The following PCDH15 variants were observed in gnomAD, a reference collection of about 807,000 sequenced individuals.
The protein encoded by PCDH15 is protocadherin related 15.
PCDH15 carries 129 observed loss-of-function variants against 178.5 expected under a neutral mutation model. That is an observed-to-expected ratio of 0.72 (90% CI 0.63 to 0.84). PCDH15 has a LOEUF of 0.84. Among genes scored for constraint, PCDH15 ranks in the 40% least tolerant of loss-of-function variants. The probability of loss-of-function intolerance (pLI) is 0.00; values close to 1 mark genes in which losing one functional copy is unlikely to be tolerated. For missense variants in PCDH15, 2,230 were observed against 2,099.9 expected (o/e 1.06, Z -1.21); for synonymous variants, 800 against 732.0 (o/e 1.09, Z -1.50).
intron 2 of PCDH15, among the ~76,000 whole-genome samples, chr10:55,600,731 G>C (rs928500770): frequency 1.3e-5 from 2 of 152,040 alleles, no homozygotes; most frequent in African/African-American, 4.8e-5. Context: ...TTCACAAAGT[G>C]CCCTTACAAG....
chr10:54,961,183 G>T (rs1005082482), intron 2 of PCDH15, among the ~76,000 whole-genome samples: 2 of 152,212 alleles, frequency 1.3e-5, no homozygotes, highest in Non-Finnish European at 2.9e-5. Flanking sequence ...CCAGTGTGGA[G>T]CAAATTTGTG....
At chr10:55,013,170 T>C (rs1840087611) in intron 2 of PCDH15, among the ~76,000 whole-genome samples, 1 of 152,156 alleles carries the variant, frequency 6.6e-6, no homozygotes, top group Admixed American at 6.5e-5. Flanking sequence ...TACAAATCCA[T>C]TCATGTATTC....
At chr10:54,212,149 A>G (rs2051508930) in intron 10 of PCDH15, among the ~76,000 whole-genome samples, 1 of 152,104 alleles carries the variant, frequency 6.6e-6, no homozygotes, top group South Asian at 2.1e-4. Context: ...GCTTTGTCAA[A>G]TTTCTTAATT....
chr10:54,749,083 T>G (rs1945848470), intron 1 of PCDH15, among the ~76,000 whole-genome samples: 1 of 152,154 alleles, frequency 6.6e-6, no homozygotes, highest in Non-Finnish European at 1.5e-5. Context: ...GTTAACATAA[T>G]AAACCTGATA....
chr10:54,493,620 G>T (rs912228278), intron 3 of PCDH15, among the ~76,000 whole-genome samples: 1 of 151,830 alleles, frequency 6.6e-6, no homozygotes, highest in East Asian at 1.9e-4. Flanking sequence ...AAAAATGAAG[G>T]TTAAGAAACT....
At chr10:54,189,332 G>T in intron 11 of PCDH15, 1 of 1,557,408 alleles carries the variant, frequency 6.4e-7, no homozygotes, top group Non-Finnish European at 8.7e-7. Flanking sequence ...ATTAACAAAA[G>T]AACAATCACA....
chr10:54,997,805 GAA>G, intron 2 of PCDH15, among the ~76,000 whole-genome samples: 1 of 152,250 alleles, frequency 6.6e-6, no homozygotes. Flanking sequence ...TAAAAAAAAT[GAA>G]AGATTCCAGT....
At chr10:53,978,684 C>A (rs1279613953) in intron 21 of PCDH15, among the ~76,000 whole-genome samples, 1 of 144,916 alleles carries the variant, frequency 6.9e-6, no homozygotes, top group East Asian at 2.1e-4. Context: ...TCTACTGCAT[C>A]ATCAGGCTGC....
intron 2 of PCDH15, among the ~76,000 whole-genome samples, chr10:55,578,343 G>A (rs1403662070): frequency 6.6e-6 from 1 of 151,990 alleles, no homozygotes; most frequent in East Asian, 1.9e-4. Context: ...TCAGCCTCCT[G>A]AGTAGCTGGG....
At chr10:54,431,371 A>T (rs1242633817) in intron 3 of PCDH15, among the ~76,000 whole-genome samples, 1 of 152,178 alleles carries the variant, frequency 6.6e-6, no homozygotes, top group East Asian at 1.9e-4. Context: ...AATACTAGCT[A>T]ACCAAATTCA....
intron 20 of PCDH15, among the ~76,000 whole-genome samples, chr10:54,013,109 C>T (rs1045089469): frequency 1.3e-5 from 2 of 151,742 alleles, no homozygotes; most frequent in Admixed American, 6.6e-5. Context: ...AAGTTGCTAT[C>T]CAAATTTCAG....
At chr10:55,220,467 A>G (rs988190203) in intron 1 of PCDH15, among the ~76,000 whole-genome samples, 1 of 152,080 alleles carries the variant, frequency 6.6e-6, no homozygotes, top group Non-Finnish European at 1.5e-5. Flanking sequence ...TGAGAAATGC[A>G]TTTTTAGGCA....
At chr10:54,425,017 A>T (rs559829723) in intron 3 of PCDH15, among the ~76,000 whole-genome samples, 40 of 149,576 alleles carry the variant, frequency 2.7e-4, no homozygotes, top group Non-Finnish European at 5.9e-5. Flanking sequence ...ATAAAAAAAA[A>T]AAAAAAAGAA....
chr10:55,386,640 C>G (rs892116947), intron 2 of PCDH15, among the ~76,000 whole-genome samples: 3 of 152,026 alleles, frequency 2.0e-5, no homozygotes, highest in Admixed American at 6.6e-5. Context: ...AAATAACTAT[C>G]CAGCATGTCC....
Position 53,806,556 on chromosome 10 carries a change from T to C in PCDH15, c.*23A>G. ...ATTAAAAATGTAAGTAAAAATTAATTAAAATATCTTTTAAAAAATTGGTCA... is the reference window on the plus strand; with the variant it reads ...ATTAAAAATGTAAGTAAAAATTAATCAAAATATCTTTTAAAAAATTGGTCA... On this transcript the variant is annotated 3_prime_UTR_variant, in exon 38 of 38. Transcript: ENST00000644397. 6.6e-7 allele frequency: 1 copy of C among 1,519,076 alleles called. No individual in the cohort carries two copies. Among genetic ancestry groups the C allele is most frequent in the Non-Finnish European group, 8.9e-7 (1 of 1,125,166 alleles). 94.1% of individuals were successfully genotyped at this position (1,519,076 alleles called of 1,614,324 possible).
intron 8 of PCDH15, among the ~76,000 whole-genome samples, chr10:54,302,273 A>G (rs1461421729): frequency 6.6e-6 from 1 of 152,178 alleles, no homozygotes; most frequent in Non-Finnish European, 1.5e-5. Flanking sequence ...ACTCCTACTG[A>G]ATCCTTAGAT....
At chr10:54,266,671 A>T (rs921512582) in intron 8 of PCDH15, among the ~76,000 whole-genome samples, 4 of 151,944 alleles carry the variant, frequency 2.6e-5, no homozygotes, top group African/African-American at 9.7e-5. Flanking sequence ...TACTATGAAC[A>T]TTTCTATGTG....
chr10:54,860,439 A>T (rs780327914), intron 3 of PCDH15, among the ~76,000 whole-genome samples: 3 of 152,166 alleles, frequency 2.0e-5, no homozygotes, highest in Non-Finnish European at 4.4e-5. Context: ...GCTTATGACA[A>T]TGGCCTCCAG....
At chr10:54,354,922 A>C (rs1193265246) in intron 5 of PCDH15, among the ~76,000 whole-genome samples, 1 of 152,038 alleles carries the variant, frequency 6.6e-6, no homozygotes, top group Non-Finnish European at 1.5e-5. Context: ...AACTATGAGA[A>C]ATGGATTTGG....
Sources: gnomAD v4.1 joint callset for allele counts (sites outside exome capture counted in the v4.1 genomes callset) on GRCh38, gnomAD v4.1.1 for gene constraint, MANE v1.5 for transcripts, NCBI Gene and HGNC (gene_info 2026-07-23, HGNC 2026-07-21) for gene names.